The following CYB5B variants were observed in gnomAD, a reference collection of about 807,000 sequenced individuals.
CYB5B encodes the protein cytochrome b5 type B (outer mitochondrial membrane).
In CYB5B, 14 loss-of-function variants were observed where a neutral mutation model predicts 21.3. The ratio of observed to expected loss-of-function variants is 0.66; its 90% confidence interval spans 0.43 to 1.03. The LOEUF is 1.03. Among genes scored for constraint, CYB5B ranks in the 50% least tolerant of loss-of-function variants. The pLI is 0.00. For missense variants in CYB5B, 166 were observed against 185.1 expected, an observed-to-expected ratio of 0.90 and a Z score of 0.60; for synonymous variants, 69 against 68.4, an observed-to-expected ratio of 1.01 and a Z score of -0.04.
chr16:69,464,222 C>T lies in CYB5B; in HGVS notation c.*1702C>T, dbSNP rs1039500856. On this transcript the variant is annotated 3_prime_UTR_variant, in exon 5 of 5. Coordinates refer to ENST00000307892, the MANE Select transcript of CYB5B (RefSeq NM_030579.3). ...GCAGTTGAATGAATACAGAATTCAT[C>T]AAAATAATATTAACCTTGTACTTGC... 6.6e-6 allele frequency: 1 copy of T among 152,092 alleles called. No individual in the cohort carries two copies. Among genetic ancestry groups the T allele is most frequent in the African/African-American group, 2.4e-5 (1 of 41,406 alleles). The allele number at this position is 152,092 out of a possible 1,614,324, so 9.4% of individuals were successfully genotyped here. A position where few individuals can be genotyped will look rare whatever the true frequency, so the allele number is the denominator to read the frequency against.
intron 1 of CYB5B, among the ~76,000 whole-genome samples, chr16:69,440,764 G>GTGTGTGTGTGTGTGTT (rs1467724447): frequency 6.6e-6 from 1 of 150,890 alleles, no homozygotes; most frequent in Non-Finnish European, 1.5e-5. Context: ...GTGTGTGTGT[G>GTGTGTGTGTGTGTGTT]TGTGTAAATA....
At chr16:69,429,717 A>G (rs1208900968) in intron 1 of CYB5B, among the ~76,000 whole-genome samples, 1 of 152,198 alleles carries the variant, frequency 6.6e-6, no homozygotes, top group Non-Finnish European at 1.5e-5. Flanking sequence ...GATTTGGGGA[A>G]TGAAAGAAAA....
intron 1 of CYB5B, among the ~76,000 whole-genome samples, chr16:69,427,780 G>A (rs546317898): frequency 6.6e-6 from 1 of 151,990 alleles, no homozygotes; most frequent in African/African-American, 2.4e-5. Flanking sequence ...CAGATCATGA[G>A]GTAAGGAGTT....
intron 1 of CYB5B, among the ~76,000 whole-genome samples, chr16:69,433,402 C>G (rs1235965461): frequency 6.6e-6 from 1 of 152,168 alleles, no homozygotes; most frequent in East Asian, 1.9e-4. Flanking sequence ...TTTGCCTGTA[C>G]AAGCCAAAGT....
chr16:69,461,086 G>C (rs547676293), intron 4 of CYB5B, among the ~76,000 whole-genome samples: 18 of 152,240 alleles, frequency 1.2e-4, no homozygotes, highest in Admixed American at 9.8e-4. Flanking sequence ...GCCGAGGTGG[G>C]TGGATCACGA....
intron 2 of CYB5B, among the ~76,000 whole-genome samples, chr16:69,447,514 A>G (rs930517863): frequency 3.3e-5 from 5 of 151,976 alleles, no homozygotes; most frequent in Non-Finnish European, 5.9e-5. Flanking sequence ...GTGGTGGCGC[A>G]CACTTGTAAT....
chr16:69,430,825 C>T (rs2014698723), intron 1 of CYB5B, among the ~76,000 whole-genome samples: 2 of 151,706 alleles, frequency 1.3e-5, no homozygotes, highest in South Asian at 4.2e-4. Context: ...AGGTGAATGC[C>T]ACCATGCCCG....
At chr16:69,451,689 C>T (rs80141464) in intron 3 of CYB5B, among the ~76,000 whole-genome samples, 2,282 of 151,572 alleles carry the variant, frequency 0.015, 59 homozygotes, top group African/African-American at 0.052. Context: ...CGGTGACTCA[C>T]GCCTGTAATC....
intron 1 of CYB5B, among the ~76,000 whole-genome samples, chr16:69,427,264 C>G (rs1358069515): frequency 1.3e-5 from 2 of 152,012 alleles, no homozygotes; most frequent in African/African-American, 4.8e-5. Flanking sequence ...TCATGTTTTT[C>G]ATTTGTGGTT....
At chr16:69,428,304 A>G (rs2014669990) in intron 1 of CYB5B, among the ~76,000 whole-genome samples, 1 of 152,204 alleles carries the variant, frequency 6.6e-6, no homozygotes, top group Non-Finnish European at 1.5e-5. Flanking sequence ...GAGGCAGACG[A>G]TAAGCAGAGT....
chr16:69,437,852 A>C (rs554873598), intron 1 of CYB5B, among the ~76,000 whole-genome samples: 1 of 152,200 alleles, frequency 6.6e-6, no homozygotes, highest in Non-Finnish European at 1.5e-5. Context: ...CCCCATATAA[A>C]TGGAATCAAA....
intron 1 of CYB5B, among the ~76,000 whole-genome samples, chr16:69,439,547 A>G (rs1189042638): frequency 6.6e-6 from 1 of 151,574 alleles, no homozygotes; most frequent in East Asian, 2.0e-4. Context: ...AAAAGTTTAT[A>G]TTATGATAAA....
At position 69,462,356 on chromosome 16, in the gene CYB5B, T is replaced by C. The variant is rs375435625; in HGVS notation, c.363-74T>C. The C allele has an allele frequency of 3.3e-5, 41 of 1,224,684 alleles. 1 individual carries two copies. In the African/African-American group the frequency reaches 5.4e-4, roughly 16 times the overall value. The allele number at this position is 1,224,684 out of a possible 1,614,324, so 75.9% of individuals were successfully genotyped here. A position where few individuals can be genotyped will look rare whatever the true frequency, so the allele number is the denominator to read the frequency against. On this transcript the variant is annotated intron_variant, in intron 4 of 4. Coordinates refer to ENST00000307892, the MANE Select transcript of CYB5B (RefSeq NM_030579.3). ...AAAACTCCTTGCCTATATAAAAACA[T>C]GTGAAAGCTGAAAGATAGTGAACAT...
chr16:69,448,224 CAA>C (rs2142821110), intron 3 of CYB5B, 80 bp downstream of exon 3: 2 of 1,492,514 alleles, frequency 1.3e-6, no homozygotes, highest in Non-Finnish European at 1.8e-6. Flanking sequence ...TTTTTCTTAA[CAA>C]GAGAAGTTAC....
intron 1 of CYB5B, among the ~76,000 whole-genome samples, chr16:69,430,494 A>G (rs1289673448): frequency 2.0e-5 from 3 of 152,026 alleles, no homozygotes; most frequent in Non-Finnish European, 4.4e-5. Context: ...TGTTGGGATT[A>G]CAGGCATGAG....
intron 1 of CYB5B, among the ~76,000 whole-genome samples, chr16:69,434,151 T>A (rs542947760): frequency 6.6e-6 from 1 of 152,368 alleles, no homozygotes; most frequent in South Asian, 2.1e-4. Flanking sequence ...CTCTTCTGTC[T>A]AGCTTCTTTT....
intron 3 of CYB5B, among the ~76,000 whole-genome samples, chr16:69,457,458 A>C: frequency 6.6e-6 from 1 of 152,182 alleles, no homozygotes; most frequent in Non-Finnish European, 1.5e-5. Flanking sequence ...ATGTAGCTAA[A>C]GCATAAAAGA....
intron 3 of CYB5B, 47 bp from the exon 4 acceptor site, chr16:69,459,042 CTTCT>C: frequency 2.6e-6 from 4 of 1,519,564 alleles, no homozygotes; most frequent in South Asian, 1.2e-5. Context: ...CTATGTTAAT[CTTCT>C]TTCTTTTTGT....
chr16:69,461,703 T>C (rs1030752932), intron 4 of CYB5B, among the ~76,000 whole-genome samples: 4 of 152,198 alleles, frequency 2.6e-5, no homozygotes, highest in Admixed American at 1.3e-4. Flanking sequence ...TGCAGTACTT[T>C]TGAAGCTGCC....
Sources: gnomAD v4.1 joint callset for allele counts (sites outside exome capture counted in the v4.1 genomes callset) on GRCh38, gnomAD v4.1.1 for gene constraint, MANE v1.5 for transcripts, NCBI Gene and HGNC (gene_info 2026-07-23, HGNC 2026-07-21) for gene names.